ERBB4: variants seen among roughly 807,000 people sequenced by gnomAD.
The protein encoded by ERBB4 is receptor tyrosine-protein kinase erbB-4.
Under a neutral mutation model 158.0 loss-of-function variants are expected in ERBB4, and 42 were observed. The observed-to-expected ratio is 0.27, with a 90% confidence interval of 0.21 to 0.34. ERBB4 has a LOEUF of 0.34. ERBB4 is among the 10% of genes least tolerant of loss of function. The pLI is 1.00. For missense variants in ERBB4, 1,333 were observed against 1,624.1 expected (o/e 0.82, Z 3.08); for synonymous variants, 583 against 558.7 (o/e 1.04, Z -0.61).
intron 2 of ERBB4, among the ~76,000 whole-genome samples, chr2:212,115,253 A>G (rs1250984605): frequency 6.6e-6 from 1 of 152,190 alleles, no homozygotes; most frequent in South Asian, 2.1e-4. Flanking sequence ...TGATCCTTAA[A>G]TTATACTCTA....
intron 20 of ERBB4, among the ~76,000 whole-genome samples, chr2:211,521,096 G>GC (rs1419415000): frequency 6.6e-6 from 1 of 151,516 alleles, no homozygotes; most frequent in African/African-American, 2.4e-5. Flanking sequence ...TGGAAGAGTT[G>GC]CAAGTCTCTC....
At position 212,240,323 on chromosome 2, in the gene ERBB4, A is replaced by G. The variant is rs1486498529; in HGVS notation, c.83-115420T>C. On this transcript the variant is annotated intron_variant, in intron 1 of 27. Coordinates refer to ENST00000342788, the MANE Select transcript of ERBB4 (RefSeq NM_005235.3). ...CACTTATTGGAGAGGTGCCCTTCCT[A>G]TTCTCTAAGGAAAAGAATATCCTTA... 6.8e-4 allele frequency among the ~76,000 whole-genome samples: 103 copies of G among 152,080 alleles called. 2 individuals carry two copies. The highest frequency in any genetic ancestry group is 2.9e-5 in the Non-Finnish European group (2 of 67,984).
chr2:211,582,412 G>A (rs572956812), intron 19 of ERBB4, among the ~76,000 whole-genome samples: 1 of 152,252 alleles, frequency 6.6e-6, no homozygotes, highest in South Asian at 2.1e-4. Context: ...TTAAGGATTG[G>A]ATGGCCGTGA....
intron 20 of ERBB4, among the ~76,000 whole-genome samples, chr2:211,449,003 A>G (rs2064178181): frequency 6.6e-6 from 1 of 152,112 alleles, no homozygotes; most frequent in African/African-American, 2.4e-5. Context: ...TTACTATTCT[A>G]TGTATACCTC....
intron 1 of ERBB4, among the ~76,000 whole-genome samples, chr2:212,416,086 A>G (rs2091643489): frequency 6.6e-6 from 1 of 152,154 alleles, no homozygotes; most frequent in Non-Finnish European, 1.5e-5. Context: ...GGGACCATCA[A>G]CAAAACTTTC....
intron 9 of ERBB4, among the ~76,000 whole-genome samples, chr2:211,709,264 T>TATATACAC (rs1553615194): frequency 1.4e-5 from 2 of 141,502 alleles, no homozygotes; most frequent in African/African-American, 5.7e-5. Context: ...CATATATATA[T>TATATACAC]ATATATATAT....
Position 212,188,233 on chromosome 2 carries a change from T to TCC in ERBB4, c.83-63332_83-63331dup, listed in dbSNP as rs1401740081. On this transcript the variant is annotated intron_variant, in intron 1 of 27. Coordinates refer to ENST00000342788, the MANE Select transcript of ERBB4 (RefSeq NM_005235.3). ...CTCTCTCTCTCTCTCTCTCTCTCTCTCCCCCCCCCTCTCACCCCCTCCCTC... is the reference window on the plus strand; with the variant it reads ...CTCTCTCTCTCTCTCTCTCTCTCTCTCCCCCCCCCCCTCTCACCCCCTCCCTC... Among the ~76,000 whole-genome samples, 46 of 16,574 alleles carry TCC rather than the reference T, an allele frequency of 2.8e-3. 5 individuals carry two copies. Among genetic ancestry groups the TCC allele is most frequent in the South Asian group, 0.025 (3 of 118 alleles). 10.9% of individuals were successfully genotyped at this position (16,574 alleles called of 152,430 possible).
intron 1 of ERBB4, among the ~76,000 whole-genome samples, chr2:212,279,895 G>T (rs2085688537): frequency 6.6e-6 from 1 of 151,534 alleles, no homozygotes; most frequent in Admixed American, 6.6e-5. Flanking sequence ...GGCCAAAAAT[G>T]TTTAAGTGTG....
chr2:211,942,347 T>C (rs1273550151), intron 3 of ERBB4, among the ~76,000 whole-genome samples: 1 of 150,708 alleles, frequency 6.6e-6, no homozygotes, highest in Non-Finnish European at 1.5e-5. Flanking sequence ...TATTTATTTA[T>C]TTATTTATTT....
intron 1 of ERBB4, among the ~76,000 whole-genome samples, chr2:212,247,881 T>C (rs1169799782): frequency 1.3e-5 from 2 of 152,078 alleles, no homozygotes; most frequent in African/African-American, 4.8e-5. Context: ...TGAGAATCAC[T>C]TGAACCTGGG....
intron 11 of ERBB4, among the ~76,000 whole-genome samples, chr2:211,703,691 G>A (rs1408245537): frequency 1.3e-5 from 2 of 152,102 alleles, no homozygotes; most frequent in Non-Finnish European, 2.9e-5. Flanking sequence ...CATCAGCCCT[G>A]TGACGTGTAG....
intron 3 of ERBB4, among the ~76,000 whole-genome samples, chr2:211,915,855 C>T (rs2079674959): frequency 6.6e-6 from 1 of 151,454 alleles, no homozygotes; most frequent in Non-Finnish European, 1.5e-5. Context: ...ATTAAATATC[C>T]CTGTTATTTT....
intron 20 of ERBB4, among the ~76,000 whole-genome samples, chr2:211,555,374 G>A (rs201209764): frequency 1.1e-3 from 160 of 152,100 alleles, no homozygotes; most frequent in East Asian, 2.7e-3. Context: ...TAGTAGAGGC[G>A]GGGTTTCTCC....
At chr2:211,776,770 G>C (rs2075886699) in intron 4 of ERBB4, among the ~76,000 whole-genome samples, 1 of 152,158 alleles carries the variant, frequency 6.6e-6, no homozygotes, top group Non-Finnish European at 1.5e-5. Context: ...ATTTGAATAT[G>C]GTTGATTTAG....
At chr2:211,632,619 G>A (rs1574894577) in intron 16 of ERBB4, among the ~76,000 whole-genome samples, 1 of 148,958 alleles carries the variant, frequency 6.7e-6, no homozygotes, top group South Asian at 2.1e-4. Context: ...TTTTTTGTTT[G>A]TTTCTTTGTT....
chr2:212,207,688 C>T (rs555727443), intron 1 of ERBB4, among the ~76,000 whole-genome samples: 7 of 152,122 alleles, frequency 4.6e-5, no homozygotes, highest in Non-Finnish European at 7.4e-5. Flanking sequence ...CTGTATAATA[C>T]GACAGTGTTA....
At chr2:211,901,061 G>T (rs1307616980) in intron 3 of ERBB4, among the ~76,000 whole-genome samples, 2 of 152,002 alleles carry the variant, frequency 1.3e-5, no homozygotes, top group South Asian at 4.1e-4. Context: ...TTTCTATTTT[G>T]AAAGAAATTT....
chr2:211,382,125 C>A lies in ERBB4; in HGVS notation c.*1490G>T. On this transcript the variant is annotated 3_prime_UTR_variant, in exon 28 of 28. Transcript: ENST00000342788. ...TTCACATTTATTTACAACTTTTGAC[C>A]CAAGGACCTATCCCTAAGCTTTGAA... 4.3e-6 allele frequency: 1 copy of A among 230,522 alleles called. No individual in the cohort carries two copies. The highest frequency in any genetic ancestry group is 8.6e-6 in the Non-Finnish European group (1 of 116,394). 14.3% of individuals were successfully genotyped at this position (230,522 alleles called of 1,614,324 possible).
chr2:211,862,834 C>CT (rs2078098246), intron 3 of ERBB4, among the ~76,000 whole-genome samples: 1 of 152,178 alleles, frequency 6.6e-6, no homozygotes, highest in East Asian at 1.9e-4. Flanking sequence ...GCCAGTTGGA[C>CT]TTCCTGGGTC....
Sources: allele counts gnomAD v4.1 joint callset (sites outside exome capture counted in the v4.1 genomes callset), GRCh38; gene constraint gnomAD v4.1.1; transcripts MANE v1.5; gene names NCBI Gene and HGNC (gene_info 2026-07-23, HGNC 2026-07-21).